The following HLCS variants were observed in gnomAD, a reference collection of about 807,000 sequenced individuals.
The protein encoded by HLCS is holocarboxylase synthetase.
Under a neutral mutation model 75.0 loss-of-function variants are expected in HLCS, and 53 were observed. That is an observed-to-expected ratio of 0.71 (90% CI 0.57 to 0.89). The LOEUF is 0.89. Ranked by LOEUF, HLCS falls within the 40% of genes least tolerant of loss-of-function variation. The pLI is 0.00. For synonymous variants in HLCS, 431 were observed against 428.6 expected (o/e 1.01, Z -0.07); for missense variants, 966 against 1,074.0 (o/e 0.90, Z 1.41).
At chr21:36,913,442 G>T (rs1181966077) in intron 5 of HLCS, among the ~76,000 whole-genome samples, 1 of 152,136 alleles carries the variant, frequency 6.6e-6, no homozygotes, top group Non-Finnish European at 1.5e-5. Context: ...AGTGGGCAGG[G>T]GTGGGAGCAG....
intron 5 of HLCS, among the ~76,000 whole-genome samples, chr21:36,914,553 C>T (rs917657988): frequency 1.3e-5 from 2 of 152,230 alleles, no homozygotes; most frequent in African/African-American, 4.8e-5. Context: ...TACCTGCCAA[C>T]TAGCGAAGAC....
Position 36,765,166 on chromosome 21 carries a change from C to G in HLCS, c.1967G>C (p.Gly656Ala), listed in dbSNP as rs760481516. 5.6e-6 allele frequency: 9 copies of G among 1,614,176 alleles called. No homozygotes were observed. In the South Asian group the frequency reaches 9.9e-5, roughly 18 times the overall value. Residue 656 changes from glycine to alanine, a missense_variant, in exon 8 of 11, where the codon GGA (glycine) becomes GCA (alanine). Physicochemically the swap from Gly to Ala is moderately conservative, Grantham distance 60. Transcript: ENST00000674895. The part of the protein sequence containing the change: ...AARQTEGKGR[G>A]GNVWLSPVGC... ...CACAGGGCTCAGCCACACATTCCCT[C>G]CCCGTCCTGGAACACAGGCCACAGT...
intron 5 of HLCS, among the ~76,000 whole-genome samples, chr21:36,897,881 TG>T (rs1202616755): frequency 6.6e-6 from 1 of 152,032 alleles, no homozygotes; most frequent in African/African-American, 2.4e-5. Flanking sequence ...TCCTCCAGGG[TG>T]GTTTATCAGG....
chr21:36,978,774 G>A (rs564573482), intron 1 of HLCS, among the ~76,000 whole-genome samples: 1 of 152,180 alleles, frequency 6.6e-6, no homozygotes, highest in Non-Finnish European at 1.5e-5. Context: ...CAAAGCACAT[G>A]AAGAGAACTG....
intron 7 of HLCS, 90 bp from the exon 8 acceptor site, chr21:36,765,262 A>G (rs2089993679): frequency 8.6e-7 from 1 of 1,159,634 alleles, no homozygotes. Context: ...ACTCAAATAA[A>G]TCTGAACTTA....
chr21:36,868,274 G>GGAAGGAAAGAAA (rs886275509), intron 6 of HLCS, among the ~76,000 whole-genome samples: 6 of 135,356 alleles, frequency 4.4e-5, no homozygotes, highest in Non-Finnish European at 9.2e-5. Context: ...AAGGAAGGAA[G>GGAAGGAAAGAAA]GAAAGAAAGA....
chr21:36,979,745 T>A (rs1285734317), intron 1 of HLCS, among the ~76,000 whole-genome samples: 3 of 151,904 alleles, frequency 2.0e-5, no homozygotes, highest in African/African-American at 7.3e-5. Flanking sequence ...GGAGACTCCA[T>A]CTGTACAGAA....
intron 5 of HLCS, among the ~76,000 whole-genome samples, chr21:36,910,361 A>G (rs1333293535): frequency 2.6e-5 from 4 of 152,128 alleles, no homozygotes; most frequent in Non-Finnish European, 5.9e-5. Flanking sequence ...CCTGGCCAAC[A>G]TGGTGAAACC....
At chr21:36,802,365 G>A (rs1323500308) in intron 6 of HLCS, among the ~76,000 whole-genome samples, 3 of 152,300 alleles carry the variant, frequency 2.0e-5, no homozygotes, top group African/African-American at 2.4e-5. Context: ...GGGACTATGC[G>A]CCCAGGAGAA....
intron 6 of HLCS, among the ~76,000 whole-genome samples, chr21:36,878,834 A>C (rs2064088076): frequency 6.6e-6 from 1 of 152,218 alleles, no homozygotes. Flanking sequence ...AGCATCTGTC[A>C]GAAGTAATAT....
intron 10 of HLCS, among the ~76,000 whole-genome samples, chr21:36,756,061 T>G (rs901876483): frequency 6.6e-6 from 1 of 152,166 alleles, no homozygotes; most frequent in Non-Finnish European, 1.5e-5. Context: ...GATGCTAACT[T>G]GGTCAAGGTG....
intron 6 of HLCS, among the ~76,000 whole-genome samples, chr21:36,894,752 C>T (rs2064940774): frequency 6.6e-6 from 1 of 152,156 alleles, no homozygotes; most frequent in Non-Finnish European, 1.5e-5. Context: ...AGTAAAAACT[C>T]TTAACCCTAT....
intron 6 of HLCS, among the ~76,000 whole-genome samples, chr21:36,813,790 G>A (rs2061580585): frequency 6.6e-6 from 1 of 152,130 alleles, no homozygotes; most frequent in African/African-American, 2.4e-5. Context: ...GAAATATTAG[G>A]TCACAAGCTG....
intron 6 of HLCS, among the ~76,000 whole-genome samples, chr21:36,825,734 G>T (rs74491975): frequency 1.3e-5 from 2 of 152,114 alleles, no homozygotes; most frequent in African/African-American, 2.4e-5. Context: ...ATCTCCAGAC[G>T]TCGGCAATGC....
In HLCS at chr21:36,897,116, G is replaced by A. The variant is rs2065045462; in HGVS notation, c.1636C>T (p.Leu546Phe). The stretch of plus-strand genomic sequence containing the variant: ...ACATGTTTCCCAAGCCACTGCATAA[G>A]AGGATCCCTGATTTCCTGTGTCATA... ...LSAAEEIRDPLMQWLGKHVDS... is the reference protein window; with the variant it reads ...LSAAEEIRDPFMQWLGKHVDS... Residue 546 changes from leucine (L) to phenylalanine (F), a missense_variant, in exon 6 of 11, where the codon CTT (leucine) becomes TTT (phenylalanine). Coordinates refer to ENST00000674895, the MANE Select transcript of HLCS (RefSeq NM_001352514.2). 2 of 1,613,994 alleles carry A rather than the reference G, an allele frequency of 1.2e-6. No homozygotes were observed. Among genetic ancestry groups the A allele is most frequent in the African/African-American group, 2.7e-5 (2 of 74,908 alleles).
chr21:36,853,641 TAA>T (rs2063088627), intron 6 of HLCS, among the ~76,000 whole-genome samples: 1 of 152,226 alleles, frequency 6.6e-6, no homozygotes, highest in Non-Finnish European at 1.5e-5. Context: ...TAAGTCACAG[TAA>T]AGTCTCTTAA....
intron 7 of HLCS, among the ~76,000 whole-genome samples, chr21:36,766,954 T>C (rs1472814527): frequency 6.6e-6 from 1 of 152,216 alleles, no homozygotes; most frequent in Admixed American, 6.5e-5. Flanking sequence ...GGAATTCATG[T>C]AGGTCACATT....
intron 6 of HLCS, among the ~76,000 whole-genome samples, chr21:36,794,410 T>A (rs143771762): frequency 1.3e-5 from 2 of 152,210 alleles, no homozygotes; most frequent in Non-Finnish European, 2.9e-5. Context: ...AGTGAGAGCA[T>A]ACCATGAAGA....
intron 6 of HLCS, among the ~76,000 whole-genome samples, chr21:36,812,704 C>T (rs571174721): frequency 6.6e-6 from 1 of 152,194 alleles, no homozygotes; most frequent in South Asian, 2.1e-4. Context: ...TACCAATATA[C>T]AGAAAAAATA....
Sources: allele counts gnomAD v4.1 joint callset (sites outside exome capture counted in the v4.1 genomes callset), GRCh38; gene constraint gnomAD v4.1.1; transcripts MANE v1.5; gene names NCBI Gene and HGNC (gene_info 2026-07-23, HGNC 2026-07-21).